RIF1: variants seen among roughly 807,000 people sequenced by gnomAD.
The protein encoded by RIF1 is telomere-associated protein RIF1.
In RIF1, 45 loss-of-function variants were observed where a neutral mutation model predicts 247.1. The observed-to-expected ratio is 0.18, with a 90% CI of 0.14 to 0.23. The LOEUF is 0.23. RIF1 is among the 10% of genes least tolerant of loss of function. The pLI, the probability that RIF1 is intolerant of heterozygous loss-of-function variation, is 1.00. For synonymous variants in RIF1, 1,087 were observed against 978.8 expected, an observed-to-expected ratio of 1.11 and a Z score of -2.06; for missense variants, 2,967 against 2,862.5, an observed-to-expected ratio of 1.04 and a Z score of -0.83.
chr2:151,499,335 A>G (rs926019929), intron 10 of RIF1: 2 of 1,543,300 alleles, frequency 1.3e-6, no homozygotes, highest in African/African-American at 2.7e-5. Flanking sequence ...GACTCTCTCC[A>G]TCTCTGGAGT....
At chr2:151,456,022 C>CA (rs1310071893) in intron 22 of RIF1, among the ~76,000 whole-genome samples, 1 of 151,720 alleles carries the variant, frequency 6.6e-6, no homozygotes, top group Non-Finnish European at 1.5e-5. Context: ...AATTGGTCTC[C>CA]AAAAAATTGA....
At chr2:151,410,935 T>C (rs981177360) in intron 2 of RIF1, among the ~76,000 whole-genome samples, 2 of 152,076 alleles carry the variant, frequency 1.3e-5, no homozygotes, top group Non-Finnish European at 2.9e-5. Context: ...TTCATAGAAA[T>C]GTACTAAAGT....
chr2:151,474,928 C>T lies in RIF1; in HGVS notation c.7276C>T (p.Leu2426Phe). 6.2e-7 allele frequency: 1 copy of T among 1,610,392 alleles called. No individual in the cohort carries two copies. The highest frequency in any genetic ancestry group is 8.5e-7 in the Non-Finnish European group (1 of 1,176,814). The change falls in exon 36 of 36, where the codon CTT (leucine) becomes TTT (phenylalanine). Residue 2426 changes from leucine to phenylalanine, a missense_variant. By Grantham distance (22) the Leu-to-Phe change is conservative. Transcript: ENST00000444746. ...NLLAQISALA[L>F]QLDSEDLHNY... ...TCTGGCACAGATTAGTGCTCTTGCT[C>T]TTCAGCTGGATTCAGAAGATCTTCA...
At chr2:151,451,845 G>A (rs565776662) in intron 21 of RIF1, 140 bp downstream of exon 21, 140 of 558,070 alleles carry the variant, frequency 2.5e-4, no homozygotes, top group Middle Eastern at 1.2e-3. Context: ...ACTATGCTAG[G>A]AGCTTTCATA....
rs1696490312 is a variant in RIF1, at chr2:151,463,481, A to G, written c.3961A>G (p.Ile1321Val). The change falls in exon 30 of 36, where the codon ATT (isoleucine) becomes GTT (valine). Residue 1321 changes from isoleucine (I) to valine (V), a missense_variant. By Grantham distance (29) the Ile-to-Val change is conservative. Transcript: ENST00000444746. ...EKNTEESVEG[I>V]VVLENNPPGL... Reference sequence around the variant, plus strand: ...AAATACTGAGGAATCTGTTGAAGGCATTGTAGTCTTAGAAAATAACCCACC... The same window carrying G: ...AAATACTGAGGAATCTGTTGAAGGCGTTGTAGTCTTAGAAAATAACCCACC... 1.9e-6 allele frequency: 3 copies of G among 1,613,998 alleles called. No homozygotes were observed. Among genetic ancestry groups the G allele is most frequent in the African/African-American group, 1.3e-5 (1 of 74,938 alleles).
At chr2:151,437,477 G>C in intron 13 of RIF1, 126 bp downstream of exon 13, 1 of 686,056 alleles carries the variant, frequency 1.5e-6, no homozygotes, top group Non-Finnish European at 2.5e-6. Flanking sequence ...GATCACTTGA[G>C]CTCAGGAGTT....
downstream of RIF1, among the ~76,000 whole-genome samples, chr2:151,509,952 A>T (rs1424440081): frequency 2.0e-5 from 3 of 152,198 alleles, no homozygotes; most frequent in Non-Finnish European, 4.4e-5. Flanking sequence ...AAGGCCTGGA[A>T]ATTATCACCA....
chr2:151,534,197 C>T, the RIF1 span: 6 of 1,601,002 alleles, frequency 3.7e-6, no homozygotes, highest in Non-Finnish European at 5.1e-6. Flanking sequence ...GGGCCACCGG[C>T]CAGCCCCATC....
chr2:151,519,367 C>G, the RIF1 span, among the ~76,000 whole-genome samples: 1 of 152,100 alleles, frequency 6.6e-6, no homozygotes, highest in African/African-American at 2.4e-5. Context: ...GTAAAATAAG[C>G]CAGACACCAA....
the RIF1 span, among the ~76,000 whole-genome samples, chr2:151,533,080 A>G: frequency 3.3e-5 from 5 of 152,340 alleles, no homozygotes; most frequent in South Asian, 1.0e-3. Context: ...GAAAACATTA[A>G]ATATTCAGAC....
the RIF1 span, among the ~76,000 whole-genome samples, chr2:151,530,453 A>C: frequency 1.3e-5 from 2 of 152,222 alleles, no homozygotes; most frequent in Non-Finnish European, 2.9e-5. Context: ...GACTAAGGCC[A>C]AAGTAAACTG....
In RIF1 at chr2:151,443,604, A is replaced by G. The variant is rs1444248112; in HGVS notation, c.1881A>G (p.Ser627=). 1 of 1,612,320 alleles carries G rather than the reference A, an allele frequency of 6.2e-7. No homozygotes were observed. The highest frequency in any genetic ancestry group is 8.5e-7 in the Non-Finnish European group (1 of 1,179,386). The change falls in exon 18 of 36, where the codon TCA becomes TCG. Residue 627 remains serine (S), a synonymous_variant. Transcript: ENST00000444746. ...GPTSPLAFSD[S]VLNVINQNAK... is the part of the protein sequence containing the mutation. ...CTTCACCACTAGCTTTCAGTGACTC[A>G]GTTTTAAATGTTATTAATCAAAATG...
In RIF1 at chr2:151,441,896, C is replaced by G; in HGVS notation, c.1648-9C>G. ...GCTAATTTACTGTAAAACCTTTTAT[C>G]TCTCATAGGTCCTCATGGAAATTAC... On this transcript the variant is annotated splice_polypyrimidine_tract_variant and intron_variant, in intron 15 of 35. Transcript: ENST00000444746. 1.5e-6 allele frequency: 2 copies of G among 1,372,828 alleles called. No homozygotes were observed. The highest frequency in any genetic ancestry group is 2.0e-6 in the Non-Finnish European group (2 of 981,080). The allele number at this position is 1,372,828 out of a possible 1,614,324, so 85.0% of individuals were successfully genotyped here. A position where few individuals can be genotyped will look rare whatever the true frequency, so the allele number is the denominator to read the frequency against.
At position 151,478,474 on chromosome 2, in the gene RIF1, G is replaced by GA. The variant is rs1342524787; in HGVS notation, c.*3403_*3404insA. ...GCGCGACAGAGCAAGTCTCTGTCTC[G>GA]CAAAAAAAAAAAAAAAGTTTAATTC... On this transcript the variant is annotated 3_prime_UTR_variant, in exon 36 of 36. Transcript: ENST00000444746. The GA allele has an allele frequency of 6.9e-6, 1 of 144,316 alleles. No individual in the cohort carries two copies. The highest frequency in any genetic ancestry group is 2.6e-5 in the African/African-American group (1 of 38,542). The allele number at this position is 144,316 out of a possible 1,614,324, so 8.9% of individuals were successfully genotyped here. A position where few individuals can be genotyped will look rare whatever the true frequency, so the allele number is the denominator to read the frequency against.
intron 15 of RIF1, among the ~76,000 whole-genome samples, chr2:151,441,676 A>G (rs1452875305): frequency 2.0e-5 from 3 of 152,236 alleles, no homozygotes; most frequent in African/African-American, 7.2e-5. Flanking sequence ...ATCGTTGGAG[A>G]TTAAAGACTT....
In RIF1 at chr2:151,442,388, TAAAAA is replaced by T. The variant is rs34173773; in HGVS notation, c.1734+410_1734+414del. On this transcript the variant is annotated intron_variant, in intron 16 of 35. Coordinates refer to ENST00000444746, the MANE Select transcript of RIF1 (RefSeq NM_018151.5). The stretch of plus-strand genomic sequence containing the variant: ...GTGCCCAGCATATTTCCCTTTTTTT[TAAAAA>T]AAAAAAAAAAAAGAAAGATGACCTT... Among the ~76,000 whole-genome samples, 76 of 134,860 alleles carry T rather than the reference TAAAAA, an allele frequency of 5.6e-4. 1 individual carries two copies. The highest frequency in any genetic ancestry group is 1.1e-3 in the Non-Finnish European group (70 of 62,192). 88.5% of individuals were successfully genotyped at this position (134,860 alleles called of 152,430 possible).
intron 9 of RIF1, 52 bp from the exon 10 acceptor site, chr2:151,433,025 G>A: frequency 7.0e-7 from 1 of 1,438,042 alleles, no homozygotes; most frequent in South Asian, 1.3e-5. Context: ...TAGTGTTAGA[G>A]TTAATCTTTA....
rs1207187744 is a variant in RIF1 at position 151,468,075 on chromosome 2, G to T, written c.6676G>T (p.Val2226Phe). 8.1e-6 allele frequency: 13 copies of T among 1,613,534 alleles called. No individual in the cohort carries two copies. The highest frequency in any genetic ancestry group is 1.0e-5 in the Non-Finnish European group (12 of 1,179,726). Residue 2226 changes from valine to phenylalanine, a missense_variant, in exon 31 of 36, where the codon GTT (valine) becomes TTT (phenylalanine). By Grantham distance (50) the Val-to-Phe change is conservative. Transcript: ENST00000444746. ...TGACATTGATAGACGGTGCTCTATT[G>T]TTAGGTCCCATTCTTCCAATAGTTC... is the stretch of plus-strand genomic sequence containing the variant. ...ADDIDRRCSI[V>F]RSHSSNSSPI...
chr2:151,454,331 C>T (rs1389332850), intron 21 of RIF1, among the ~76,000 whole-genome samples: 2 of 152,074 alleles, frequency 1.3e-5, no homozygotes, highest in Non-Finnish European at 2.9e-5. Context: ...TACAAAAAAT[C>T]AGACAGTACT....
Sources: gnomAD v4.1 joint callset for allele counts (sites outside exome capture counted in the v4.1 genomes callset) on GRCh38, gnomAD v4.1.1 for gene constraint, MANE v1.5 for transcripts, NCBI Gene and HGNC (gene_info 2026-07-23, HGNC 2026-07-21) for gene names.